CTNND2: variants seen among roughly 807,000 people sequenced by gnomAD.
CTNND2 encodes catenin delta 2.
Under a neutral mutation model 144.4 loss-of-function variants are expected in CTNND2, and 22 were observed. The ratio of observed to expected loss-of-function variants is 0.15; its 90% confidence interval spans 0.11 to 0.22. CTNND2 has a LOEUF of 0.22. CTNND2 is among the 10% of genes least tolerant of loss of function. CTNND2 has a pLI of 1.00. For missense variants in CTNND2, 1,353 were observed against 1,618.8 expected (o/e 0.84, Z 2.82); for synonymous variants, 751 against 695.6 (o/e 1.08, Z -1.25).
At chr5:11,511,398 T>C (rs902042138) in intron 3 of CTNND2, among the ~76,000 whole-genome samples, 1 of 151,950 alleles carries the variant, frequency 6.6e-6, no homozygotes, top group Non-Finnish European at 1.5e-5. Flanking sequence ...TCCGCCTTGG[T>C]GGTAACAAAG....
At chr5:10,986,846 A>T (rs1738025802) in intron 20 of CTNND2, 1 of 344,262 alleles carries the variant, frequency 2.9e-6, no homozygotes, top group African/African-American at 2.2e-5. Context: ...ATTTGCTATT[A>T]GAAAAATTTA....
chr5:11,054,188 A>G (rs978804610), intron 16 of CTNND2, among the ~76,000 whole-genome samples: 4 of 152,210 alleles, frequency 2.6e-5, no homozygotes, highest in African/African-American at 9.6e-5. Flanking sequence ...ACTGCTATGA[A>G]GCACGAGGAC....
chr5:11,623,985 G>C (rs1581625152), intron 2 of CTNND2, among the ~76,000 whole-genome samples: 3 of 151,380 alleles, frequency 2.0e-5, no homozygotes, highest in African/African-American at 7.3e-5. Context: ...CATCGAAGCA[G>C]AAATGTAGCA....
intron 1 of CTNND2, among the ~76,000 whole-genome samples, chr5:11,887,744 T>C (rs1736661683): frequency 6.6e-6 from 1 of 152,174 alleles, no homozygotes; most frequent in South Asian, 2.1e-4. Flanking sequence ...CCACACCACA[T>C]TTAGTCCTCA....
chr5:11,503,864 A>T (rs1770755120), intron 3 of CTNND2, among the ~76,000 whole-genome samples: 1 of 152,196 alleles, frequency 6.6e-6, no homozygotes, highest in African/African-American at 2.4e-5. Flanking sequence ...AAACATCTAA[A>T]CCTAAGTATG....
chr5:11,705,289 C>G (rs1177862344), intron 2 of CTNND2, among the ~76,000 whole-genome samples: 2 of 152,158 alleles, frequency 1.3e-5, no homozygotes, highest in Non-Finnish European at 2.9e-5. Context: ...GAGCACTACG[C>G]CAGCCAGAAT....
chr5:11,080,359 A>T (rs1749417543), intron 16 of CTNND2, among the ~76,000 whole-genome samples: 1 of 152,226 alleles, frequency 6.6e-6, no homozygotes, highest in South Asian at 2.1e-4. Flanking sequence ...GTACTTTATT[A>T]GCGGGAATGT....
chr5:11,633,034 G>A (rs1781492993), intron 2 of CTNND2, among the ~76,000 whole-genome samples: 1 of 152,118 alleles, frequency 6.6e-6, no homozygotes, highest in Admixed American at 6.6e-5. Flanking sequence ...CGCATGTAAT[G>A]GAAGCGCCAG....
intron 2 of CTNND2, among the ~76,000 whole-genome samples, chr5:11,683,158 A>G (rs1374443880): frequency 6.6e-6 from 1 of 152,140 alleles, no homozygotes; most frequent in Non-Finnish European, 1.5e-5. Flanking sequence ...TTTCTAACGC[A>G]TTTTACCCTT....
intron 21 of CTNND2, among the ~76,000 whole-genome samples, chr5:10,979,774 G>A (rs1271951074): frequency 6.6e-6 from 1 of 152,098 alleles, no homozygotes; most frequent in Non-Finnish European, 1.5e-5. Context: ...TCTGATCTTT[G>A]ACAAACCTGA....
At chr5:11,749,828 G>T (rs78215340) in intron 1 of CTNND2, among the ~76,000 whole-genome samples, 4 of 151,930 alleles carry the variant, frequency 2.6e-5, no homozygotes, top group African/African-American at 9.7e-5. Flanking sequence ...TTTGTCATCA[G>T]ATGATCTAAT....
intron 2 of CTNND2, among the ~76,000 whole-genome samples, chr5:11,582,181 A>C (rs1181773387): frequency 6.6e-6 from 1 of 152,198 alleles, no homozygotes; most frequent in Non-Finnish European, 1.5e-5. Context: ...GAGACAATAA[A>C]TTCCTACTCA....
At chr5:11,781,470 C>T (rs543173653) in intron 1 of CTNND2, among the ~76,000 whole-genome samples, 1 of 152,260 alleles carries the variant, frequency 6.6e-6, no homozygotes, top group South Asian at 2.1e-4. Flanking sequence ...GATTCCTTTC[C>T]CCCAGGAGTC....
At chr5:11,830,945 C>T (rs1344150910) in intron 1 of CTNND2, among the ~76,000 whole-genome samples, 1 of 152,106 alleles carries the variant, frequency 6.6e-6, no homozygotes, top group African/African-American at 2.4e-5. Context: ...ACCATTTATA[C>T]CACCAAAGCA....
chr5:11,134,215 G>A (rs1377011371), intron 12 of CTNND2, among the ~76,000 whole-genome samples: 2 of 152,122 alleles, frequency 1.3e-5, no homozygotes, highest in African/African-American at 4.8e-5. Context: ...ATGAGCCAAG[G>A]AATATCATGC....
chr5:11,738,248 C>G (rs977237721), intron 1 of CTNND2, among the ~76,000 whole-genome samples: 1 of 152,188 alleles, frequency 6.6e-6, no homozygotes, highest in Non-Finnish European at 1.5e-5. Flanking sequence ...CAGAATAAAA[C>G]AGTATCTTAA....
At chr5:11,633,658 C>G (rs1033371007) in intron 2 of CTNND2, among the ~76,000 whole-genome samples, 11 of 151,844 alleles carry the variant, frequency 7.2e-5, no homozygotes, top group Admixed American at 7.2e-4. Context: ...TGCCTGTAAT[C>G]CCAGCTTCTA....
intron 9 of CTNND2, among the ~76,000 whole-genome samples, chr5:11,242,919 T>C (rs1289358680): frequency 2.6e-5 from 4 of 152,204 alleles, no homozygotes; most frequent in Non-Finnish European, 4.4e-5. Context: ...ACTGCATTTC[T>C]CTTAAAATGC....
chr5:11,674,998 G>GAAT (rs1237464121), intron 2 of CTNND2, among the ~76,000 whole-genome samples: 13 of 152,086 alleles, frequency 8.5e-5, no homozygotes, highest in African/African-American at 2.9e-4. Context: ...AGTTTTATCA[G>GAAT]ATATTGCTAT....
Sources: gnomAD v4.1 joint callset for allele counts (sites outside exome capture counted in the v4.1 genomes callset) on GRCh38, gnomAD v4.1.1 for gene constraint, MANE v1.5 for transcripts, NCBI Gene and HGNC (gene_info 2026-07-23, HGNC 2026-07-21) for gene names.